Variants in PAIP2B observed in about 807,000 individuals in gnomAD.
The protein encoded by PAIP2B is polyadenylate-binding protein-interacting protein 2B.
PAIP2B carries 13 observed loss-of-function variants against 17.0 expected under a neutral mutation model. The observed-to-expected ratio is 0.76, with a 90% CI of 0.50 to 1.22. PAIP2B has a LOEUF of 1.22. Ranked by LOEUF, PAIP2B falls within the 50% of genes most tolerant of loss-of-function variation. The pLI, the probability that PAIP2B is intolerant of heterozygous loss-of-function variation, is 0.00. For synonymous variants in PAIP2B, 43 were observed against 48.7 expected, an observed-to-expected ratio of 0.88 and a Z score of 0.48; for missense variants, 117 against 144.5, an observed-to-expected ratio of 0.81 and a Z score of 0.98.
At chr2:71,220,766 C>T (rs1004283037) in intron 1 of PAIP2B, among the ~76,000 whole-genome samples, 2 of 152,170 alleles carry the variant, frequency 1.3e-5, no homozygotes, top group Non-Finnish European at 2.9e-5. Flanking sequence ...GTATTACAGG[C>T]GTGAGCCATC....
intron 3 of PAIP2B, among the ~76,000 whole-genome samples, chr2:71,189,004 CTTTT>C (rs56008115): frequency 1.6e-5 from 2 of 122,186 alleles, no homozygotes; most frequent in Admixed American, 8.3e-5. Context: ...TGCTCACAGA[CTTTT>C]TTTTTTTTTT....
chr2:71,191,202 C>T (rs1412762364), intron 2 of PAIP2B, among the ~76,000 whole-genome samples: 2 of 152,150 alleles, frequency 1.3e-5, no homozygotes, highest in African/African-American at 4.8e-5. Flanking sequence ...AAAATAATTT[C>T]CCAAATTGGA....
chr2:71,214,774 T>C (rs1675386621), intron 1 of PAIP2B, among the ~76,000 whole-genome samples: 2 of 152,196 alleles, frequency 1.3e-5, no homozygotes, highest in Non-Finnish European at 2.9e-5. Flanking sequence ...AGCATCTTCC[T>C]AAACCTGAAA....
chr2:71,213,073 C>G (rs60726851), intron 1 of PAIP2B, among the ~76,000 whole-genome samples: 20,227 of 152,092 alleles, frequency 0.13, 1,489 homozygotes, highest in South Asian at 0.3. Context: ...GGGAAAAACA[C>G]TTCTAATCTA....
chr2:71,221,337 T>C (rs1675575331), intron 1 of PAIP2B, among the ~76,000 whole-genome samples: 2 of 152,256 alleles, frequency 1.3e-5, no homozygotes, highest in South Asian at 4.1e-4. Context: ...TTTGGAATGA[T>C]GTCTGAAGGT....
At chr2:71,197,657 G>A (rs1371968333) in intron 2 of PAIP2B, among the ~76,000 whole-genome samples, 1 of 152,232 alleles carries the variant, frequency 6.6e-6, no homozygotes, top group African/African-American at 2.4e-5. Context: ...ATTTAAAAAA[G>A]AAGGAGGTTT....
intron 1 of PAIP2B, among the ~76,000 whole-genome samples, chr2:71,218,963 T>C (rs1675504897): frequency 6.6e-6 from 1 of 150,864 alleles, no homozygotes; most frequent in Non-Finnish European, 1.5e-5. Context: ...TCACCTAGGC[T>C]GGAGTGCAAT....
intron 2 of PAIP2B, among the ~76,000 whole-genome samples, chr2:71,191,385 A>G (rs1016885810): frequency 2.0e-5 from 3 of 152,220 alleles, no homozygotes; most frequent in African/African-American, 7.2e-5. Flanking sequence ...CCCTGACTCT[A>G]TGAGAGCATA....
At chr2:71,216,748 T>C (rs1675439467) in intron 1 of PAIP2B, among the ~76,000 whole-genome samples, 3 of 152,228 alleles carry the variant, frequency 2.0e-5, no homozygotes, top group South Asian at 2.1e-4. Context: ...ACCTCTGGCA[T>C]ATAGCACTTA....
chr2:71,195,541 TTC>T (rs1457274256), intron 2 of PAIP2B, among the ~76,000 whole-genome samples: 2 of 152,218 alleles, frequency 1.3e-5, no homozygotes, highest in Non-Finnish European at 2.9e-5. Flanking sequence ...GTTGTTTTAT[TTC>T]TGTGGGGTCA....
intron 1 of PAIP2B, among the ~76,000 whole-genome samples, chr2:71,221,160 A>T (rs1216002712): frequency 6.6e-6 from 1 of 152,266 alleles, no homozygotes; most frequent in East Asian, 1.9e-4. Flanking sequence ...CTATGGTCAT[A>T]GCTAACTCAA....
chr2:71,210,262 A>G (rs1160334786), intron 1 of PAIP2B, among the ~76,000 whole-genome samples: 1 of 152,240 alleles, frequency 6.6e-6, no homozygotes, highest in Admixed American at 6.5e-5. Context: ...GGAAAAAAAG[A>G]GAAAGGGGGA....
rs980982909 is a variant in PAIP2B at position 71,226,659 on chromosome 2, G to A, written c.-12+269C>T. ...CAGGAACTTGGGTGGGAGTCGGGGG[G>A]AAACAGAGCACCTGTGCGGGGGGGA... is the stretch of plus-strand genomic sequence containing the variant. On this transcript the variant is annotated intron_variant, in intron 1 of 3. Coordinates refer to ENST00000244221, the MANE Select transcript of PAIP2B (RefSeq NM_020459.1). Among the ~76,000 whole-genome samples the A allele has an allele frequency of 2.6e-5, 4 of 151,830 alleles. No homozygotes were observed. In the South Asian group the frequency reaches 8.4e-4, roughly 32 times the overall value.
At chr2:71,201,249 T>G (rs772453020) in intron 2 of PAIP2B, among the ~76,000 whole-genome samples, 43 of 152,218 alleles carry the variant, frequency 2.8e-4, no homozygotes, top group Non-Finnish European at 5.3e-4. Context: ...GAAAATTGTT[T>G]TATGTTTTCA....
At chr2:71,195,197 C>T (rs1187907353) in intron 2 of PAIP2B, among the ~76,000 whole-genome samples, 1 of 152,158 alleles carries the variant, frequency 6.6e-6, no homozygotes, top group Non-Finnish European at 1.5e-5. Context: ...TTTGTTGTGT[C>T]TCTACTAGGT....
chr2:71,205,926 T>C (rs943926767), intron 1 of PAIP2B, among the ~76,000 whole-genome samples: 5 of 152,178 alleles, frequency 3.3e-5, no homozygotes, highest in African/African-American at 1.2e-4. Flanking sequence ...TAAGTGAGCT[T>C]AGAAGTGCAT....
At chr2:71,189,600 T>C (rs1383452033) in intron 3 of PAIP2B, among the ~76,000 whole-genome samples, 1 of 152,218 alleles carries the variant, frequency 6.6e-6, no homozygotes, top group Non-Finnish European at 1.5e-5. Flanking sequence ...TAAAGGTTGG[T>C]GGCGTCCAAT....
intron 2 of PAIP2B, among the ~76,000 whole-genome samples, chr2:71,198,185 T>A (rs1271425720): frequency 3.3e-5 from 5 of 152,182 alleles, no homozygotes; most frequent in Non-Finnish European, 7.4e-5. Context: ...AGTGATGTGA[T>A]CTCAGCTCAC....
At chr2:71,190,406 A>C (rs1464903154) in intron 2 of PAIP2B, among the ~76,000 whole-genome samples, 1 of 152,224 alleles carries the variant, frequency 6.6e-6, no homozygotes, top group Non-Finnish European at 1.5e-5. Flanking sequence ...TCTGGGCGAC[A>C]GAATGAGACC....
Sources: allele counts gnomAD v4.1 joint callset (sites outside exome capture counted in the v4.1 genomes callset), GRCh38; gene constraint gnomAD v4.1.1; transcripts MANE v1.5; gene names NCBI Gene and HGNC (gene_info 2026-07-23, HGNC 2026-07-21).